Variants in RAP1A observed in about 807,000 individuals in gnomAD.
RAP1A encodes RAP1A, member of RAS oncogene family.
Under a neutral mutation model 26.4 loss-of-function variants are expected in RAP1A, and 6 were observed. That is an observed-to-expected ratio of 0.23 (90% CI 0.12 to 0.45). RAP1A has a LOEUF of 0.45. Ranked by LOEUF, RAP1A falls within the 20% of genes least tolerant of loss-of-function variation. The probability of loss-of-function intolerance (pLI) is 0.99; values close to 1 mark genes in which losing one functional copy is unlikely to be tolerated. For missense variants in RAP1A, 121 were observed against 217.2 expected (o/e 0.56, Z 2.78); for synonymous variants, 73 against 79.4 (o/e 0.92, Z 0.43).
intron 1 of RAP1A, among the ~76,000 whole-genome samples, chr1:111,561,869 G>A (rs972746095): frequency 2.0e-5 from 3 of 152,032 alleles, no homozygotes; most frequent in Admixed American, 1.3e-4. Flanking sequence ...TCAGGGCCAA[G>A]CATTTTTGGC....
intron 1 of RAP1A, among the ~76,000 whole-genome samples, chr1:111,663,943 A>G (rs1660711471): frequency 6.6e-6 from 1 of 152,134 alleles, no homozygotes; most frequent in Non-Finnish European, 1.5e-5. Context: ...CCTCTGTTGC[A>G]ATCTACAGAG....
At chr1:111,597,476 T>C (rs574533070) in intron 1 of RAP1A, among the ~76,000 whole-genome samples, 25 of 152,306 alleles carry the variant, frequency 1.6e-4, no homozygotes, top group African/African-American at 2.6e-4. Context: ...ATGTGTATAC[T>C]CCAGGAAAGT....
intron 1 of RAP1A, among the ~76,000 whole-genome samples, chr1:111,666,357 T>G (rs1285226497): frequency 6.6e-6 from 1 of 152,194 alleles, no homozygotes; most frequent in African/African-American, 2.4e-5. Context: ...CAGTTCTATG[T>G]GGTAACACTC....
intron 1 of RAP1A, among the ~76,000 whole-genome samples, chr1:111,632,746 T>C (rs2477434): frequency 0.72 from 108,072 of 151,042 alleles, 39,032 homozygotes; most frequent in African/African-American, 0.81. Flanking sequence ...AACCCCGTCT[T>C]CACTAAAAAA....
chr1:111,580,370 G>A (rs758566711), intron 1 of RAP1A, among the ~76,000 whole-genome samples: 6 of 152,214 alleles, frequency 3.9e-5, no homozygotes, highest in Non-Finnish European at 7.3e-5. Context: ...TTTGGGAAGA[G>A]GAGATGAGGA....
At position 111,596,503 on chromosome 1, in the gene RAP1A, T is replaced by C. The variant is rs181806390; in HGVS notation, c.-28+53994T>C. On this transcript the variant is annotated intron_variant, in intron 1 of 7. Coordinates refer to the RAP1A transcript ENST00000356415. Reference sequence around the variant, plus strand: ...TTGAGTTTTATAATATCAGGGACCATGTCTGTCTTCTTCATTGCCATAGTC... The same window carrying C: ...TTGAGTTTTATAATATCAGGGACCACGTCTGTCTTCTTCATTGCCATAGTC... 1.8e-3 allele frequency among the ~76,000 whole-genome samples: 281 copies of C among 152,394 alleles called. 1 individual carries two copies. Among genetic ancestry groups the C allele is most frequent in the Non-Finnish European group, 3.1e-3 (209 of 68,036 alleles).
At chr1:111,650,753 A>T (rs144897521) in intron 1 of RAP1A, among the ~76,000 whole-genome samples, 429 of 152,070 alleles carry the variant, frequency 2.8e-3, no homozygotes, top group African/African-American at 9.7e-3. Context: ...TGTATATTCT[A>T]TGGGTTTGGA....
chr1:111,578,220 G>A (rs947393425), intron 1 of RAP1A, among the ~76,000 whole-genome samples: 1 of 152,038 alleles, frequency 6.6e-6, no homozygotes, highest in African/African-American at 2.4e-5. Context: ...GAGGATTGGT[G>A]GGCATGGGTC....
At chr1:111,615,347 C>T (rs371595489), upstream of RAP1A, among the ~76,000 whole-genome samples, 1 of 151,498 alleles carries the variant, frequency 6.6e-6, no homozygotes, top group African/African-American at 2.4e-5. Flanking sequence ...GGAGACCAAA[C>T]AGGAGATCAC....
At chr1:111,646,025 G>A (rs547751264) in intron 1 of RAP1A, among the ~76,000 whole-genome samples, 2 of 152,302 alleles carry the variant, frequency 1.3e-5, no homozygotes, top group South Asian at 4.1e-4. Flanking sequence ...CTGAAAAAAA[G>A]ATAATTAATT....
At chr1:111,702,305 A>C (rs1662044380) in intron 4 of RAP1A, among the ~76,000 whole-genome samples, 2 of 148,412 alleles carry the variant, frequency 1.3e-5, no homozygotes, top group South Asian at 2.1e-4. Context: ...TTTTTAAGTA[A>C]TATATATATA....
chr1:111,582,908 G>C (rs183032848), intron 1 of RAP1A, among the ~76,000 whole-genome samples: 1 of 152,156 alleles, frequency 6.6e-6, no homozygotes, highest in Non-Finnish European at 1.5e-5. Flanking sequence ...CTGGTCTCCC[G>C]GCCTGAACCT....
chr1:111,600,620 G>T (rs1248147731), intron 1 of RAP1A, among the ~76,000 whole-genome samples: 1 of 152,202 alleles, frequency 6.6e-6, no homozygotes, highest in African/African-American at 2.4e-5. Flanking sequence ...TTAGGACACT[G>T]CTTTGTAGAT....
At chr1:111,647,955 T>C (rs1235076848) in intron 1 of RAP1A, among the ~76,000 whole-genome samples, 1 of 152,230 alleles carries the variant, frequency 6.6e-6, no homozygotes, top group Non-Finnish European at 1.5e-5. Context: ...ACTTTTAAGG[T>C]CTGTGTTCAG....
At chr1:111,663,693 C>T (rs1291807530) in intron 1 of RAP1A, among the ~76,000 whole-genome samples, 1 of 152,170 alleles carries the variant, frequency 6.6e-6, no homozygotes, top group African/African-American at 2.4e-5. Flanking sequence ...TAGTGTTAGA[C>T]GACACCTAGC....
intron 1 of RAP1A, among the ~76,000 whole-genome samples, chr1:111,601,658 T>C (rs72695264): frequency 1.2e-3 from 177 of 152,268 alleles, no homozygotes; most frequent in Non-Finnish European, 1.9e-3. Flanking sequence ...TAGCAGAAAG[T>C]ATAGTTGAGA....
intron 3 of RAP1A, among the ~76,000 whole-genome samples, chr1:111,696,929 T>C (rs1661849360): frequency 1.3e-5 from 2 of 152,206 alleles, no homozygotes; most frequent in African/African-American, 4.8e-5. Flanking sequence ...TTCTTTTATG[T>C]CTTAAACTCA....
chr1:111,658,027 T>C (rs1443592611), intron 1 of RAP1A, among the ~76,000 whole-genome samples: 2 of 152,200 alleles, frequency 1.3e-5, no homozygotes, highest in African/African-American at 4.8e-5. Flanking sequence ...ACTTACTTTA[T>C]AATTTAGAAT....
intron 1 of RAP1A, among the ~76,000 whole-genome samples, chr1:111,686,967 A>G (rs572647155): frequency 2.6e-5 from 4 of 152,194 alleles, no homozygotes; most frequent in Admixed American, 1.3e-4. Flanking sequence ...TTTGTTGCCA[A>G]TAGATGTTTT....
Sources: allele counts gnomAD v4.1 joint callset (sites outside exome capture counted in the v4.1 genomes callset), GRCh38; gene constraint gnomAD v4.1.1; transcripts MANE v1.5; gene names NCBI Gene and HGNC (gene_info 2026-07-23, HGNC 2026-07-21).